Variants in CCT4 observed in about 807,000 individuals in gnomAD.
The protein encoded by CCT4 is T-complex protein 1 subunit delta.
In CCT4, 17 loss-of-function variants were observed where a neutral mutation model predicts 62.5. The ratio of observed to expected loss-of-function variants is 0.27; its 90% CI spans 0.19 to 0.41. CCT4 has a LOEUF of 0.41. Ranked by LOEUF, CCT4 falls within the 10% of genes least tolerant of loss-of-function variation. The pLI, the probability that CCT4 is intolerant of heterozygous loss-of-function variation, is 1.00. For missense variants in CCT4, 592 were observed against 659.2 expected, an observed-to-expected ratio of 0.90 and a Z score of 1.12; for synonymous variants, 250 against 229.9, an observed-to-expected ratio of 1.09 and a Z score of -0.79.
chr2:61,877,271 G>A lies in CCT4; in HGVS notation c.644+122C>T, dbSNP rs535822789. 121 of 1,117,744 alleles carry A rather than the reference G, an allele frequency of 1.1e-4. 1 individual carries two copies. The highest frequency in any genetic ancestry group is 1.7e-4 in the African/African-American group (11 of 63,434). 69.2% of individuals were successfully genotyped at this position (1,117,744 alleles called of 1,614,324 possible). ...TGCCCATACTAATACAAATTCTCAC[G>A]AAAACAAAACCAAAAAGAGAAAAGA... is the stretch of plus-strand genomic sequence containing the variant. On this transcript the variant is annotated intron_variant, in intron 6 of 13. Transcript: ENST00000394440.
chr2:61,885,936 T>C (rs575097655), intron 1 of CCT4: 2 of 152,328 alleles, frequency 1.3e-5, no homozygotes, highest in South Asian at 4.1e-4. Flanking sequence ...TTTTGGAGTA[T>C]TTCAAATTAG....
chr2:61,878,297 A>C (rs1224455980), intron 5 of CCT4, among the ~76,000 whole-genome samples: 1 of 152,226 alleles, frequency 6.6e-6, no homozygotes, highest in East Asian at 1.9e-4. Context: ...ACACCGCTTT[A>C]AGTTTGGTAA....
At chr2:61,869,395 G>GC (rs1352090448) in intron 13 of CCT4, 45 bp downstream of exon 13, 2 of 1,008,684 alleles carry the variant, frequency 2.0e-6, no homozygotes, top group Non-Finnish European at 3.1e-6. Flanking sequence ...AAAAATATAT[G>GC]CCTTTTTGAC....
intron 4 of CCT4, 40 bp downstream of exon 4, chr2:61,880,246 A>G: frequency 8.9e-7 from 1 of 1,129,130 alleles, no homozygotes; most frequent in Non-Finnish European, 1.3e-6. Flanking sequence ...TTTGTTTTTT[A>G]AACTTTTCTT....
At position 61,872,088 on chromosome 2, in the gene CCT4, G is replaced by C; in HGVS notation, c.1485C>G (p.Val495=). 1.3e-6 allele frequency: 2 copies of C among 1,599,190 alleles called. No homozygotes were observed. The highest frequency in any genetic ancestry group is 1.7e-6 in the Non-Finnish European group (2 of 1,167,432). Residue 495 remains valine, a synonymous_variant, in exon 12 of 14, where the codon GTC becomes GTG. Coordinates refer to ENST00000394440, the MANE Select transcript of CCT4 (RefSeq NM_006430.4). ...TTAGAGATTAAATGATTACCTTTCG[G>C]ACATTAATGCCTGCAGTTTTTTCTC... The part of the protein sequence containing the change: ...AQGEKTAGIN[V]RKGGISNILE...
At position 61,876,115 on chromosome 2, in the gene CCT4, G is replaced by A; in HGVS notation, c.897C>T (p.Leu299=). 1 of 1,604,260 alleles carries A rather than the reference G, an allele frequency of 6.2e-7. No individual in the cohort carries two copies. Among genetic ancestry groups the A allele is most frequent in the African/African-American group, 1.3e-5 (1 of 74,790 alleles). The stretch of plus-strand genomic sequence containing the variant: ...CACACCTTAGAATAGATTTCTGTAT[G>A]AGAAGGACATTACATCCTGTTTTTT... ...QIKKTGCNVL[L]IQKSILRDAL... Residue 299 remains leucine (L), a synonymous_variant, in exon 8 of 14, where the codon CTC becomes CTT. Transcript: ENST00000394440.
In CCT4 at chr2:61,877,049, C is replaced by G; in HGVS notation, c.648G>C (p.Gly216=). The part of the protein sequence containing the change: ...RDIKIVKKLG[G]TIDDCELVEG... Reference sequence around the variant, plus strand: ...CCACCAACTCACAGTCATCAATTGTCCCACTAAGGATAAAAGAAAACAAAG... The same window carrying G: ...CCACCAACTCACAGTCATCAATTGTGCCACTAAGGATAAAAGAAAACAAAG... The change falls in exon 7 of 14, where the codon GGG becomes GGC. Residue 216 remains glycine (G), a synonymous_variant. Transcript: ENST00000394440. The G allele has an allele frequency of 6.2e-7, 1 of 1,612,804 alleles. No individual in the cohort carries two copies.
chr2:61,878,076 T>A (rs1278301672), intron 5 of CCT4, among the ~76,000 whole-genome samples: 1 of 152,222 alleles, frequency 6.6e-6, no homozygotes, highest in East Asian at 1.9e-4. Context: ...TGCCTAGTGC[T>A]TGTAACCATT....
At chr2:61,871,568 A>G (rs1266197514) in intron 12 of CCT4, among the ~76,000 whole-genome samples, 2 of 152,230 alleles carry the variant, frequency 1.3e-5, no homozygotes, top group Non-Finnish European at 2.9e-5. Context: ...CAGACAATAT[A>G]AAGTTGGACT....
intron 3 of CCT4, among the ~76,000 whole-genome samples, chr2:61,882,194 A>C (rs1001092513): frequency 1.6e-4 from 24 of 152,110 alleles, no homozygotes; most frequent in African/African-American, 5.8e-4. Flanking sequence ...CAGCCTCCCA[A>C]AGTGCTGGGA....
intron 8 of CCT4, among the ~76,000 whole-genome samples, chr2:61,875,886 T>A (rs1572918419): frequency 6.6e-6 from 1 of 152,228 alleles, no homozygotes; most frequent in Non-Finnish European, 1.5e-5. Flanking sequence ...TCCCTTGGTC[T>A]GAGCAAATGA....
intron 8 of CCT4, among the ~76,000 whole-genome samples, chr2:61,874,169 T>C (rs974236047): frequency 1.3e-5 from 2 of 152,178 alleles, no homozygotes; most frequent in Admixed American, 1.3e-4. Context: ...ATTATACGGA[T>C]AAGCAAACTG....
At position 61,873,123 on chromosome 2, in the gene CCT4, C is replaced by A. The variant is rs1177976956; in HGVS notation, c.1015-11G>T. 16 of 1,541,390 alleles carry A rather than the reference C, an allele frequency of 1.0e-5. No individual in the cohort carries two copies. The highest frequency in any genetic ancestry group is 1.4e-5 in the Non-Finnish European group (16 of 1,113,910). Reference sequence around the variant, plus strand: ...CTTGGTTCCAATTGTCTGGAAAAAACAGTCAAATCCACAAATTAAGACATT... The same window carrying A: ...CTTGGTTCCAATTGTCTGGAAAAAAAAGTCAAATCCACAAATTAAGACATT... On this transcript the variant is annotated splice_polypyrimidine_tract_variant and intron_variant, in intron 9 of 13. Transcript: ENST00000394440.
intron 3 of CCT4, among the ~76,000 whole-genome samples, chr2:61,882,103 T>C (rs971036368): frequency 6.6e-6 from 1 of 152,072 alleles, no homozygotes; most frequent in Admixed American, 6.6e-5. Flanking sequence ...CAGCTGATTT[T>C]TGTATTTTTA....
intron 2 of CCT4, 88 bp downstream of exon 2, chr2:61,884,932 T>C: frequency 8.3e-7 from 1 of 1,209,066 alleles, no homozygotes; most frequent in East Asian, 2.5e-5. Flanking sequence ...AGCCCCACTT[T>C]TTAAACAGCA....
At chr2:61,888,179 A>C (rs899411818) in intron 1 of CCT4, 6 of 587,642 alleles carry the variant, frequency 1.0e-5, no homozygotes, top group Non-Finnish European at 1.7e-5. Context: ...AAAATGGGGC[A>C]AGTCCAAAGG....
intron 12 of CCT4, among the ~76,000 whole-genome samples, chr2:61,870,827 C>T (rs1185837583): frequency 1.3e-5 from 2 of 151,980 alleles, no homozygotes; most frequent in Admixed American, 6.6e-5. Context: ...GAGGCTGAGG[C>T]AGAATTGCTT....
At chr2:61,868,815 A>C (rs1237524073) in intron 13 of CCT4, 109 bp from the exon 14 acceptor site, 2 of 777,672 alleles carry the variant, frequency 2.6e-6, no homozygotes, top group African/African-American at 3.4e-5. Flanking sequence ...AACTGCTGTC[A>C]CCTTGATGAC....
intron 5 of CCT4, among the ~76,000 whole-genome samples, chr2:61,877,906 A>G (rs1669035142): frequency 1.3e-5 from 2 of 152,342 alleles, no homozygotes; most frequent in Non-Finnish European, 1.5e-5. Flanking sequence ...ACATTTATCA[A>G]TCACTTAACA....
Sources: allele counts gnomAD v4.1 joint callset (sites outside exome capture counted in the v4.1 genomes callset), GRCh38; gene constraint gnomAD v4.1.1; transcripts MANE v1.5; gene names NCBI Gene and HGNC (gene_info 2026-07-23, HGNC 2026-07-21).